PTPRQ: variants seen among roughly 807,000 people sequenced by gnomAD.
The protein encoded by PTPRQ is protein tyrosine phosphatase receptor type Q, also known as phosphatidylinositol phosphatase PTPRQ.
Under a neutral mutation model 246.0 loss-of-function variants are expected in PTPRQ, and 199 were observed. The ratio of observed to expected loss-of-function variants is 0.81; its 90% CI spans 0.72 to 0.91. PTPRQ has a LOEUF of 0.91. Among genes scored for constraint, PTPRQ ranks in the 40% least tolerant of loss-of-function variants. The pLI is 0.00. For missense variants in PTPRQ, 2,624 were observed against 2,528.4 expected (o/e 1.04, Z -0.81); for synonymous variants, 869 against 853.2 (o/e 1.02, Z -0.32).
At position 80,620,380 on chromosome 12, in the gene PTPRQ, A is replaced by G. The variant is rs922065158; in HGVS notation, c.5612+4A>G. The G allele has an allele frequency of 6.5e-7, 1 of 1,548,480 alleles. No individual in the cohort carries two copies. The highest frequency in any genetic ancestry group is 8.7e-7 in the Non-Finnish European group (1 of 1,145,008). On this transcript the variant is annotated splice_donor_region_variant and intron_variant, in intron 32 of 44. Transcript: ENST00000644991. The stretch of plus-strand genomic sequence containing the variant: ...TGAAACCAAAAAAGCAATACTTGTA[A>G]GTATAGGTTATATCTACCATGCATT...
chr12:80,477,256 TAATA>T (rs1160638870), intron 8 of PTPRQ, among the ~76,000 whole-genome samples: 5 of 152,194 alleles, frequency 3.3e-5, no homozygotes, highest in Admixed American at 3.3e-4. Context: ...CAATTTCATG[TAATA>T]AATTAAAACG....
At chr12:80,576,201 G>A (rs964187835) in intron 25 of PTPRQ, among the ~76,000 whole-genome samples, 3 of 152,094 alleles carry the variant, frequency 2.0e-5, no homozygotes, top group African/African-American at 4.8e-5. Flanking sequence ...GAGTGCAGTG[G>A]CACAATCTCG....
At chr12:80,448,501 T>C (rs1565709683) in intron 3 of PTPRQ, among the ~76,000 whole-genome samples, 1 of 152,010 alleles carries the variant, frequency 6.6e-6, no homozygotes, top group Admixed American at 6.6e-5. Flanking sequence ...ATTAGGTATA[T>C]CTCCCAATGC....
Position 80,541,536 on chromosome 12 carries a change from TGCCC to T in PTPRQ, c.3155-18_3155-15del. ...AGGGTAACTGATGATTTTTGTATTT[TGCCC>T]ATTACCTATCATAGTACCTGAAGGG... On this transcript the variant is annotated splice_polypyrimidine_tract_variant and intron_variant, in intron 20 of 44. Transcript: ENST00000644991. The T allele has an allele frequency of 7.0e-7, 1 of 1,418,600 alleles. No individual in the cohort carries two copies. Among genetic ancestry groups the T allele is most frequent in the African/African-American group, 1.4e-5 (1 of 69,274 alleles). The allele number at this position is 1,418,600 out of a possible 1,614,324, so 87.9% of individuals were successfully genotyped here.
chr12:80,483,190 G>A (rs1894135748), intron 8 of PTPRQ, among the ~76,000 whole-genome samples: 2 of 124,724 alleles, frequency 1.6e-5, no homozygotes, highest in African/African-American at 3.2e-5. Context: ...GGAATACTAT[G>A]CAGCCATAAA....
At chr12:80,557,286 C>G (rs1369718119) in intron 25 of PTPRQ, among the ~76,000 whole-genome samples, 1 of 151,924 alleles carries the variant, frequency 6.6e-6, no homozygotes, top group Non-Finnish European at 1.5e-5. Flanking sequence ...CCTTGAACGT[C>G]CTTCCTCCCA....
intron 3 of PTPRQ, among the ~76,000 whole-genome samples, chr12:80,453,011 C>G (rs895784689): frequency 6.6e-6 from 1 of 152,162 alleles, no homozygotes; most frequent in African/African-American, 2.4e-5. Context: ...ACCAATCATA[C>G]GTAGATTTGG....
In PTPRQ at chr12:80,463,015, G is replaced by A. The variant is rs534509992; in HGVS notation, c.910+2113G>A. On this transcript the variant is annotated intron_variant, in intron 6 of 44. Transcript: ENST00000644991. ...ACCAGCAACAGAACAAAGCTGGACA[G>A]AGAATGACTTTCACGAGTTGAGAGA... 3.3e-5 allele frequency among the ~76,000 whole-genome samples: 5 copies of A among 152,274 alleles called. No homozygotes were observed. The South Asian group carries it at 1.0e-3, about 32-fold the overall frequency.
chr12:80,574,828 T>C (rs1016203230), intron 25 of PTPRQ, among the ~76,000 whole-genome samples: 4 of 152,206 alleles, frequency 2.6e-5, no homozygotes, highest in Non-Finnish European at 5.9e-5. Flanking sequence ...TTTTCAGCTG[T>C]CTTTCTACTG....
rs1565851211 is a variant in PTPRQ, at chr12:80,669,376, C to T, written c.6365C>T (p.Pro2122Leu). ...CHQYWPEDNK[P>L]VTVFGDIVIT... Reference sequence around the variant, plus strand: ...CAGTATTGGCCAGAGGACAACAAGCCAGTTACTGTCTTTGGAGATATAGTG... The same window carrying T: ...CAGTATTGGCCAGAGGACAACAAGCTAGTTACTGTCTTTGGAGATATAGTG... Residue 2122 changes from proline (P) to leucine (L), a missense_variant, in exon 41 of 45, where the codon CCA (proline) becomes CTA (leucine). Pro to Leu is a moderately conservative substitution (Grantham distance 98). Transcript: ENST00000644991. The T allele has an allele frequency of 1.3e-6, 2 of 1,549,588 alleles. No homozygotes were observed. The highest frequency in any genetic ancestry group is 2.7e-5 in the African/African-American group (2 of 72,856).
intron 3 of PTPRQ, among the ~76,000 whole-genome samples, chr12:80,446,020 A>C (rs182134475): frequency 1.3e-5 from 2 of 152,022 alleles, no homozygotes; most frequent in Non-Finnish European, 2.9e-5. Flanking sequence ...AAATTATGTA[A>C]AGTTAAAGAA....
At chr12:80,614,780 T>TG (rs59156381) in intron 29 of PTPRQ, among the ~76,000 whole-genome samples, 12,057 of 150,904 alleles carry the variant, frequency 0.08, 1,187 homozygotes, top group African/African-American at 0.23. Context: ...TTTTCTTATG[T>TG]GAAAAATTGG....
At chr12:80,676,436 A>T (rs1040074453) in intron 43 of PTPRQ, among the ~76,000 whole-genome samples, 2 of 152,152 alleles carry the variant, frequency 1.3e-5, no homozygotes, top group Non-Finnish European at 2.9e-5. Flanking sequence ...AGGGGTCAGG[A>T]GTTCGAGACC....
intron 6 of PTPRQ, 138 bp downstream of exon 6, chr12:80,461,040 A>C: frequency 2.6e-6 from 1 of 388,088 alleles, no homozygotes; most frequent in Non-Finnish European, 4.5e-6. Context: ...CATCCCATCA[A>C]GGGTTTCTTC....
chr12:80,468,354 C>T (rs1893508376), intron 6 of PTPRQ, among the ~76,000 whole-genome samples: 1 of 152,060 alleles, frequency 6.6e-6, no homozygotes, highest in African/African-American at 2.4e-5. Flanking sequence ...AGACTTTGTT[C>T]ATCCAGACTT....
In PTPRQ at chr12:80,506,650, G is replaced by C. The variant is rs1405319655; in HGVS notation, c.2537G>C (p.Ser846Thr). The change falls in exon 16 of 45, where the codon AGT (serine) becomes ACT (threonine). Residue 846 changes from serine to threonine, a missense_variant. Physicochemically the swap from Ser to Thr is moderately conservative, Grantham distance 58. Transcript: ENST00000644991. ...GAAGGAGTTCGGAGTGCTCCCATAA[G>C]TATACTGACGGAGGAAGATGGTAAA... ...KGEGVRSAPISILTEEDAPDS... is the reference protein window; with the variant it reads ...KGEGVRSAPITILTEEDAPDS... 3.2e-6 allele frequency: 5 copies of C among 1,542,436 alleles called. No homozygotes were observed. The highest frequency in any genetic ancestry group is 4.4e-6 in the Non-Finnish European group (5 of 1,141,138).
At chr12:80,563,423 C>T (rs932077023) in intron 25 of PTPRQ, among the ~76,000 whole-genome samples, 41 of 152,038 alleles carry the variant, frequency 2.7e-4, no homozygotes, top group Non-Finnish European at 1.2e-4. Context: ...TAATCCCACT[C>T]GTGAGGGCAG....
chr12:80,480,551 C>CA (rs1419986260), intron 8 of PTPRQ, among the ~76,000 whole-genome samples: 4 of 144,656 alleles, frequency 2.8e-5, no homozygotes, highest in Non-Finnish European at 4.6e-5. Flanking sequence ...AACAGAGACA[C>CA]AAAAAACCCT....
intron 6 of PTPRQ, chr12:80,462,057 G>A (rs530026080): frequency 1.2e-4 from 86 of 696,902 alleles, no homozygotes; most frequent in Admixed American, 4.0e-5. Flanking sequence ...GAAGCAGGGC[G>A]AGGCATTGCC....
Sources: allele counts gnomAD v4.1 joint callset (sites outside exome capture counted in the v4.1 genomes callset), GRCh38; gene constraint gnomAD v4.1.1; transcripts MANE v1.5; gene names NCBI Gene and HGNC (gene_info 2026-07-23, HGNC 2026-07-21).